TMEM117: variants seen among roughly 807,000 people sequenced by gnomAD.
TMEM117 encodes the protein transmembrane protein 117.
In TMEM117, 27 loss-of-function variants were observed where a neutral mutation model predicts 52.4. That is an observed-to-expected ratio of 0.51 (90% CI 0.38 to 0.71). TMEM117 has a LOEUF of 0.71. TMEM117 is among the 30% of genes least tolerant of loss of function. The probability of loss-of-function intolerance (pLI) is 0.00; values close to 1 mark genes in which losing one functional copy is unlikely to be tolerated. For missense variants in TMEM117, 556 were observed against 630.5 expected (o/e 0.88, Z 1.26); for synonymous variants, 215 against 206.3 (o/e 1.04, Z -0.36).
intron 4 of TMEM117, among the ~76,000 whole-genome samples, chr12:44,171,766 A>C (rs1302395707): frequency 6.6e-6 from 1 of 152,170 alleles, no homozygotes; most frequent in Non-Finnish European, 1.5e-5. Flanking sequence ...CATAATAGGA[A>C]ATATCAAGAC....
chr12:43,931,756 G>A (rs951991931), intron 2 of TMEM117, among the ~76,000 whole-genome samples: 11 of 152,008 alleles, frequency 7.2e-5, no homozygotes, highest in African/African-American at 2.4e-4. Context: ...GAATTCTGAG[G>A]ATTTAAATAA....
intron 2 of TMEM117, among the ~76,000 whole-genome samples, chr12:43,877,296 A>G (rs1434160051): frequency 6.6e-6 from 1 of 152,220 alleles, no homozygotes; most frequent in Non-Finnish European, 1.5e-5. Flanking sequence ...AAAAGAAGCT[A>G]TAATCTTTGA....
upstream of TMEM117, among the ~76,000 whole-genome samples, chr12:43,831,895 A>T (rs1942984997): frequency 3.9e-5 from 6 of 152,172 alleles, no homozygotes; most frequent in Non-Finnish European, 8.8e-5. Context: ...AAGGAATGAT[A>T]TGTAAACAAC....
chr12:44,346,357 C>T (rs1001806445), intron 6 of TMEM117, among the ~76,000 whole-genome samples: 1 of 152,032 alleles, frequency 6.6e-6, no homozygotes, highest in Non-Finnish European at 1.5e-5. Context: ...GTGAGTTGTT[C>T]ATAAATCAGA....
At chr12:44,387,669 A>G (rs188039117) in intron 7 of TMEM117, among the ~76,000 whole-genome samples, 1 of 152,266 alleles carries the variant, frequency 6.6e-6, no homozygotes, top group East Asian at 1.9e-4. Context: ...TAAGAATTTC[A>G]TTAGACTTTG....
intron 4 of TMEM117, among the ~76,000 whole-genome samples, chr12:44,196,653 A>G (rs1949425056): frequency 6.6e-6 from 1 of 152,188 alleles, no homozygotes; most frequent in African/African-American, 2.4e-5. Flanking sequence ...TAGACACTGA[A>G]TGCTAAGTAG....
intron 3 of TMEM117, among the ~76,000 whole-genome samples, chr12:44,080,342 G>T (rs1377882817): frequency 6.6e-6 from 1 of 152,060 alleles, no homozygotes; most frequent in Non-Finnish European, 1.5e-5. Flanking sequence ...GCAAGTGGGG[G>T]AAAAGAACCT....
chr12:44,037,323 G>A (rs1273439185), intron 3 of TMEM117, among the ~76,000 whole-genome samples: 2 of 152,174 alleles, frequency 1.3e-5, no homozygotes, highest in Admixed American at 6.5e-5. Context: ...CAGCTTGGAA[G>A]TGCCTGCTCC....
chr12:43,891,227 C>G (rs988643915), intron 2 of TMEM117, among the ~76,000 whole-genome samples: 2 of 151,994 alleles, frequency 1.3e-5, no homozygotes, highest in Non-Finnish European at 2.9e-5. Context: ...GTTAGGTATT[C>G]TTCAAGGTGC....
intron 3 of TMEM117, among the ~76,000 whole-genome samples, chr12:43,949,680 G>A (rs928334106): frequency 2.6e-5 from 4 of 152,062 alleles, no homozygotes; most frequent in African/African-American, 4.8e-5. Flanking sequence ...ACTGTTTAAT[G>A]ACTGCCTATC....
intron 4 of TMEM117, among the ~76,000 whole-genome samples, chr12:44,204,170 T>G (rs1949533892): frequency 6.6e-6 from 1 of 152,150 alleles, no homozygotes; most frequent in African/African-American, 2.4e-5. Context: ...GATTCTATAC[T>G]TAGAAAACCC....
intron 4 of TMEM117, among the ~76,000 whole-genome samples, chr12:44,166,508 T>A (rs558748216): frequency 2.2e-4 from 34 of 152,348 alleles, no homozygotes; most frequent in African/African-American, 8.2e-4. Flanking sequence ...ACAAACATTT[T>A]AGAGGGAGAG....
chr12:44,199,294 G>A (rs73100803), intron 4 of TMEM117, among the ~76,000 whole-genome samples: 15,778 of 152,104 alleles, frequency 0.1, 930 homozygotes, highest in Middle Eastern at 0.2. Flanking sequence ...AAGAAATTCA[G>A]TATCTTTCCA....
At chr12:44,170,549 A>G (rs112996118) in intron 4 of TMEM117, among the ~76,000 whole-genome samples, 3 of 152,248 alleles carry the variant, frequency 2.0e-5, no homozygotes, top group African/African-American at 7.2e-5. Flanking sequence ...GAGACCTCCA[A>G]CTTTATTTTT....
At chr12:43,814,737 T>C in the TMEM117 span, among the ~76,000 whole-genome samples, 15 of 143,586 alleles carry the variant, frequency 1.0e-4, no homozygotes, top group African/African-American at 3.8e-4. Flanking sequence ...TGGGTTTGAA[T>C]CTTTTTTTTT....
chr12:43,798,074 G>A, the TMEM117 span, among the ~76,000 whole-genome samples: 1 of 152,124 alleles, frequency 6.6e-6, no homozygotes, highest in African/African-American at 2.4e-5. Context: ...TGGGGTTTGG[G>A]TGGGTTTGTT....
intron 3 of TMEM117, among the ~76,000 whole-genome samples, chr12:44,134,318 A>G (rs1948458093): frequency 6.6e-6 from 1 of 152,144 alleles, no homozygotes; most frequent in Non-Finnish European, 1.5e-5. Context: ...CCTGGGCTCA[A>G]GCAATCCTCC....
At chr12:43,973,097 A>G (rs1162871521) in intron 3 of TMEM117, among the ~76,000 whole-genome samples, 1 of 152,218 alleles carries the variant, frequency 6.6e-6, no homozygotes, top group East Asian at 1.9e-4. Flanking sequence ...AACAGAGCCT[A>G]TGATTTTGAG....
At chr12:44,030,595 T>C (rs1040962635) in intron 3 of TMEM117, among the ~76,000 whole-genome samples, 3 of 152,188 alleles carry the variant, frequency 2.0e-5, no homozygotes, top group Non-Finnish European at 2.9e-5. Flanking sequence ...TGGAAAGGCA[T>C]GGGAATGTGG....
Sources: allele counts gnomAD v4.1 joint callset (sites outside exome capture counted in the v4.1 genomes callset), GRCh38; gene constraint gnomAD v4.1.1; transcripts MANE v1.5; gene names NCBI Gene and HGNC (gene_info 2026-07-23, HGNC 2026-07-21).